Variants in GRM1 observed in about 807,000 individuals in gnomAD.
GRM1 encodes the protein metabotropic glutamate receptor 1.
GRM1 carries 33 observed loss-of-function variants against 90.9 expected under a neutral mutation model. The ratio of observed to expected loss-of-function variants is 0.36; its 90% CI spans 0.28 to 0.49. The LOEUF is 0.49. GRM1 is among the 20% of genes least tolerant of loss of function. The pLI is 0.99. For missense variants in GRM1, 1,190 were observed against 1,534.3 expected (o/e 0.78, Z 3.75); for synonymous variants, 700 against 613.2 (o/e 1.14, Z -2.09).
chr6:146,386,928 C>A lies in GRM1; in HGVS notation c.1641C>A (p.Cys547Ter). Residue 547 changes from cysteine to a stop codon, truncating the protein, a stop_gained, in exon 6 of 8, where the codon TGC (cysteine) becomes TGA (stop). Transcript: ENST00000282753. LOFTEE classifies it high-confidence loss of function. ...RKGEVSCCWI[C>*]TACKENEYVQ... ...GAGAAGTGAGCTGCTGCTGGATTTG[C>A]ACGGCCTGCAAAGAGAATGAATATG... 6.2e-7 allele frequency: 1 copy of A among 1,610,608 alleles called. No homozygotes were observed. Among genetic ancestry groups the A allele is most frequent in the Non-Finnish European group, 8.5e-7 (1 of 1,177,070 alleles).
intron 2 of GRM1, among the ~76,000 whole-genome samples, chr6:146,187,308 G>A (rs1778767639): frequency 6.6e-6 from 1 of 152,060 alleles, no homozygotes; most frequent in Non-Finnish European, 1.5e-5. Context: ...AAGAAAAGAT[G>A]AATCCATTAT....
At chr6:146,241,700 C>T (rs1360642007) in intron 2 of GRM1, among the ~76,000 whole-genome samples, 3 of 152,250 alleles carry the variant, frequency 2.0e-5, no homozygotes, top group East Asian at 3.9e-4. Context: ...AATAATTTAT[C>T]CTAACTCAGT....
chr6:146,353,112 C>T (rs922936452), intron 4 of GRM1, among the ~76,000 whole-genome samples: 1 of 152,136 alleles, frequency 6.6e-6, no homozygotes, highest in South Asian at 2.1e-4. Flanking sequence ...ACATAAAATC[C>T]TCTCCAAGCC....
chr6:146,362,071 C>A (rs1775500238), intron 5 of GRM1, among the ~76,000 whole-genome samples: 1 of 152,136 alleles, frequency 6.6e-6, no homozygotes, highest in Non-Finnish European at 1.5e-5. Context: ...TCCCCTCTCT[C>A]CTCTCTCTGC....
At chr6:146,386,135 T>A (rs983039337) in intron 5 of GRM1, among the ~76,000 whole-genome samples, 1 of 152,078 alleles carries the variant, frequency 6.6e-6, no homozygotes, top group African/African-American at 2.4e-5. Context: ...CAAGACCAAA[T>A]TGTGTGCTGT....
intron 3 of GRM1, among the ~76,000 whole-genome samples, chr6:146,321,900 G>C (rs1784202742): frequency 6.6e-6 from 1 of 151,880 alleles, no homozygotes; most frequent in Admixed American, 6.6e-5. Context: ...CACACTGATG[G>C]GTCTTGACTC....
chr6:146,312,233 C>A (rs1431639273), intron 3 of GRM1, among the ~76,000 whole-genome samples: 1 of 151,054 alleles, frequency 6.6e-6, no homozygotes, highest in Middle Eastern at 3.2e-3. Context: ...CCCAGCTACT[C>A]AGGAGGCTGA....
At chr6:146,359,286 G>A (rs1395431548) in intron 5 of GRM1, among the ~76,000 whole-genome samples, 1 of 152,144 alleles carries the variant, frequency 6.6e-6, no homozygotes, top group African/African-American at 2.4e-5. Flanking sequence ...GCCAGACCAA[G>A]GCATTCTGGT....
chr6:146,127,088 G>C (rs1776225340), intron 1 of GRM1, among the ~76,000 whole-genome samples: 1 of 152,212 alleles, frequency 6.6e-6, no homozygotes, highest in African/African-American at 2.4e-5. Flanking sequence ...GAAGCTTAGA[G>C]CTTTCTTCAT....
chr6:146,151,492 GA>G (rs889467177), intron 1 of GRM1, among the ~76,000 whole-genome samples: 28 of 151,914 alleles, frequency 1.8e-4, no homozygotes, highest in South Asian at 4.2e-4. Flanking sequence ...TTTAGGAGTG[GA>G]AAAAAAATCA....
intron 2 of GRM1, among the ~76,000 whole-genome samples, chr6:146,257,678 C>T (rs1423214815): frequency 6.6e-6 from 1 of 152,016 alleles, no homozygotes; most frequent in Non-Finnish European, 1.5e-5. Flanking sequence ...TTCTGAGAAC[C>T]AGATGAGGGC....
intron 5 of GRM1, among the ~76,000 whole-genome samples, chr6:146,378,667 ATAGATGCAAGAGACTTGCCTTGTCT>A (rs1776203373): frequency 6.6e-6 from 1 of 152,194 alleles, no homozygotes; most frequent in Admixed American, 6.5e-5. Flanking sequence ...TTACAGGCTT[ATAGATGCAAGAGACTTGCCTTGTCT>A]CAGATGAGAC....
At chr6:146,032,430 G>A (rs1790739800) in intron 1 of GRM1, among the ~76,000 whole-genome samples, 2 of 152,084 alleles carry the variant, frequency 1.3e-5, no homozygotes, top group African/African-American at 2.4e-5. Flanking sequence ...CCTTCTATCT[G>A]GAAAGGAATT....
intron 7 of GRM1, chr6:146,426,580 G>A (rs574275639): frequency 2.4e-5 from 38 of 1,612,406 alleles, no homozygotes; most frequent in Non-Finnish European, 3.1e-5. Context: ...CAGAATTCTC[G>A]CCCACCAGCC....
At chr6:146,056,787 A>G (rs1181341018) in intron 1 of GRM1, among the ~76,000 whole-genome samples, 1 of 152,112 alleles carries the variant, frequency 6.6e-6, no homozygotes, top group African/African-American at 2.4e-5. Flanking sequence ...TCTGCCTACT[A>G]TTGGCTTCTC....
chr6:146,152,932 T>C (rs1176367016), intron 1 of GRM1, among the ~76,000 whole-genome samples: 1 of 152,176 alleles, frequency 6.6e-6, no homozygotes, highest in Non-Finnish European at 1.5e-5. Context: ...GAGCTACAGA[T>C]ACTAGACACA....
At chr6:146,034,333 C>T (rs1435264616) in intron 1 of GRM1, among the ~76,000 whole-genome samples, 1 of 151,464 alleles carries the variant, frequency 6.6e-6, no homozygotes, top group African/African-American at 2.4e-5. Context: ...TGTAGCTCTC[C>T]AGTTCCTTCA....
chr6:146,316,441 C>T (rs550898661), intron 3 of GRM1, among the ~76,000 whole-genome samples: 2 of 152,296 alleles, frequency 1.3e-5, no homozygotes, highest in African/African-American at 4.8e-5. Flanking sequence ...GTGATTAGGA[C>T]GTGGCATCTT....
At chr6:146,154,821 CACAA>C (rs1777463201) in intron 1 of GRM1, among the ~76,000 whole-genome samples, 3 of 152,290 alleles carry the variant, frequency 2.0e-5, no homozygotes, top group African/African-American at 4.8e-5. Context: ...GAACTGCTTT[CACAA>C]ACAGTGTATG....
Sources: gnomAD v4.1 joint callset for allele counts (sites outside exome capture counted in the v4.1 genomes callset) on GRCh38, gnomAD v4.1.1 for gene constraint, MANE v1.5 for transcripts, NCBI Gene and HGNC (gene_info 2026-07-23, HGNC 2026-07-21) for gene names.